Variants in BABAM2 observed in about 807,000 individuals in gnomAD.
BABAM2 encodes the protein BRISC and BRCA1-A complex member 2.
A neutral mutation model predicts 54.7 loss-of-function variants in BABAM2; 31 were observed. The observed-to-expected ratio is 0.57, with a 90% CI of 0.43 to 0.77. The LOEUF is 0.77. BABAM2 is among the 30% of genes least tolerant of loss of function. The pLI is 0.00. For missense variants in BABAM2, 364 were observed against 455.8 expected (o/e 0.80, Z 1.83); for synonymous variants, 167 against 162.9 (o/e 1.03, Z -0.19).
At chr2:28,214,306 C>G (rs1411359149) in intron 7 of BABAM2, among the ~76,000 whole-genome samples, 1 of 152,064 alleles carries the variant, frequency 6.6e-6, no homozygotes, top group African/African-American at 2.4e-5. Context: ...TTTGTATTTG[C>G]ATTATATTTA....
chr2:28,237,073 AC>A (rs1681982267), intron 7 of BABAM2, 128 bp from the exon 8 acceptor site: 2 of 691,198 alleles, frequency 2.9e-6, no homozygotes, highest in Non-Finnish European at 2.6e-6. Flanking sequence ...AAGCCCATAT[AC>A]CCATCATCAT....
intron 6 of BABAM2, among the ~76,000 whole-genome samples, chr2:28,090,087 ATAAT>A (rs549247122): frequency 4.0e-4 from 61 of 152,274 alleles, no homozygotes; most frequent in African/African-American, 1.4e-3. Context: ...TAATCTTAGA[ATAAT>A]TTTTACCTGT....
At position 28,299,927 on chromosome 2, in the gene BABAM2, T is replaced by TTTTTA. The variant is rs573164670; in HGVS notation, c.1088+1461_1088+1465dup. 4.7e-3 allele frequency among the ~76,000 whole-genome samples: 708 copies of TTTTTA among 152,068 alleles called. 7 individuals are homozygous for TTTTTA. The highest frequency in any genetic ancestry group is 0.013 in the African/African-American group (539 of 41,440). The stretch of plus-strand genomic sequence containing the variant: ...TTTCACTTATAGCAGGCTTGATAAC[T>TTTTTA]TTTTATTTTATTTTATTTTATTTTA... On this transcript the variant is annotated intron_variant, in intron 11 of 11. Transcript: ENST00000379624.
intron 3 of BABAM2, among the ~76,000 whole-genome samples, chr2:27,962,506 A>G (rs1003737016): frequency 3.3e-5 from 5 of 152,232 alleles, no homozygotes; most frequent in African/African-American, 9.6e-5. Context: ...GTGAGTGAAA[A>G]AATTGGGTTT....
intron 7 of BABAM2, among the ~76,000 whole-genome samples, chr2:28,131,076 A>AT (rs1179062903): frequency 0.032 from 164 of 5,120 alleles, 41 homozygotes; most frequent in South Asian, 0.15. Context: ...TATTATTATT[A>AT]TTATTTTTTT....
chr2:28,213,461 CAT>C (rs1259431565), intron 7 of BABAM2, among the ~76,000 whole-genome samples: 2 of 151,898 alleles, frequency 1.3e-5, no homozygotes, highest in African/African-American at 4.8e-5. Flanking sequence ...ATATGAGTAA[CAT>C]AGAGCATTTA....
chr2:28,037,844 G>C (rs1334601306), intron 5 of BABAM2, among the ~76,000 whole-genome samples: 1 of 152,204 alleles, frequency 6.6e-6, no homozygotes, highest in African/African-American at 2.4e-5. Flanking sequence ...AAACACTAGA[G>C]AGTGATCAAA....
intron 6 of BABAM2, among the ~76,000 whole-genome samples, chr2:28,062,806 T>C (rs1679006217): frequency 6.6e-6 from 1 of 152,188 alleles, no homozygotes; most frequent in African/African-American, 2.4e-5. Context: ...GGTGTAGAAA[T>C]CTCAAGTGTT....
chr2:28,270,801 C>T (rs1217744509), intron 10 of BABAM2, among the ~76,000 whole-genome samples: 1 of 152,200 alleles, frequency 6.6e-6, no homozygotes, highest in Non-Finnish European at 1.5e-5. Flanking sequence ...AGTGACTTGC[C>T]TAAGATCCCA....
chr2:28,023,634 T>G (rs571563545), intron 4 of BABAM2, among the ~76,000 whole-genome samples: 2 of 152,356 alleles, frequency 1.3e-5, no homozygotes, highest in East Asian at 3.9e-4. Flanking sequence ...TTTCCTCTGT[T>G]CATCATCTTT....
rs1691699245 is a variant in BABAM2 at position 28,338,840 on chromosome 2, CT to C, written c.*330del. The C allele has an allele frequency of 2.6e-5, 8 of 305,902 alleles. No individual in the cohort carries two copies. In the South Asian group the frequency reaches 2.9e-4, roughly 11 times the overall value. 18.9% of individuals were successfully genotyped at this position (305,902 alleles called of 1,614,324 possible). ...AATGCCCACGCCTTTCTTCCAAAGCCTTTGTCTCTGAGACCTCTTAAGTTCT... is the reference window on the plus strand; with the variant it reads ...AATGCCCACGCCTTTCTTCCAAAGCCTTGTCTCTGAGACCTCTTAAGTTCT... On this transcript the variant is annotated 3_prime_UTR_variant, in exon 12 of 12. Transcript: ENST00000379624.
intron 7 of BABAM2, among the ~76,000 whole-genome samples, chr2:28,184,863 T>C (rs529337435): frequency 6.6e-6 from 1 of 152,340 alleles, no homozygotes; most frequent in East Asian, 1.9e-4. Flanking sequence ...TAATGTTAAA[T>C]GAATCATTAG....
intron 6 of BABAM2, among the ~76,000 whole-genome samples, chr2:28,087,036 C>G (rs1665706802): frequency 6.6e-6 from 1 of 152,170 alleles, no homozygotes; most frequent in African/African-American, 2.4e-5. Context: ...AGCAGAGAAG[C>G]ATCCTTGTTA....
chr2:28,275,902 C>T (rs1006291910), intron 10 of BABAM2, among the ~76,000 whole-genome samples: 1 of 151,760 alleles, frequency 6.6e-6, no homozygotes, highest in East Asian at 1.9e-4. Flanking sequence ...TTCCTCCAGC[C>T]CCATCACAAC....
intron 11 of BABAM2, among the ~76,000 whole-genome samples, chr2:28,303,721 C>A (rs531668086): frequency 1.1e-4 from 17 of 152,204 alleles, no homozygotes; most frequent in African/African-American, 3.9e-4. Flanking sequence ...ACGCCCCCCC[C>A]ACCAAAAGCC....
At chr2:28,139,341 A>AAAAAAG (rs1670841702) in intron 7 of BABAM2, among the ~76,000 whole-genome samples, 2 of 123,982 alleles carry the variant, frequency 1.6e-5, no homozygotes, top group African/African-American at 3.2e-5. Flanking sequence ...AAAAAAAAAA[A>AAAAAAG]AAAAGAAAAA....
At chr2:27,889,830 G>T (rs1664675075), upstream of BABAM2, 2 of 160,264 alleles carry the variant, frequency 1.2e-5, no homozygotes, top group Non-Finnish European at 2.7e-5. Context: ...ATAATGTTAC[G>T]CTTGACAAAA....
intron 6 of BABAM2, among the ~76,000 whole-genome samples, chr2:28,110,758 T>C (rs1667933337): frequency 6.6e-6 from 1 of 152,096 alleles, no homozygotes; most frequent in Non-Finnish European, 1.5e-5. Context: ...GTGATTCCGT[T>C]TTTAACTTTT....
chr2:28,080,165 T>G (rs1412187748), intron 6 of BABAM2, among the ~76,000 whole-genome samples: 1 of 152,142 alleles, frequency 6.6e-6, no homozygotes, highest in Non-Finnish European at 1.5e-5. Context: ...TTATCATATT[T>G]GTCTTTAATT....
Sources: allele counts gnomAD v4.1 joint callset (sites outside exome capture counted in the v4.1 genomes callset), GRCh38; gene constraint gnomAD v4.1.1; transcripts MANE v1.5; gene names NCBI Gene and HGNC (gene_info 2026-07-23, HGNC 2026-07-21).